The following DOCK4 variants were observed in gnomAD, a reference collection of about 807,000 sequenced individuals.
DOCK4 encodes the protein dedicator of cytokinesis 4, also known as dedicator of cytokinesis protein 4.
In DOCK4, 97 loss-of-function variants were observed where a neutral mutation model predicts 268.1. That is an observed-to-expected ratio of 0.36 (90% CI 0.31 to 0.43). The LOEUF is 0.43. Ranked by LOEUF, DOCK4 falls within the 20% of genes least tolerant of loss-of-function variation. The probability of loss-of-function intolerance (pLI) is 1.00; values close to 1 mark genes in which losing one functional copy is unlikely to be tolerated. For missense variants in DOCK4, 2,145 were observed against 2,455.7 expected, an observed-to-expected ratio of 0.87 and a Z score of 2.67; for synonymous variants, 954 against 887.2, an observed-to-expected ratio of 1.08 and a Z score of -1.34.
intron 8 of DOCK4, among the ~76,000 whole-genome samples, chr7:111,948,529 C>A (rs1421263252): frequency 6.6e-6 from 1 of 152,084 alleles, no homozygotes; most frequent in African/African-American, 2.4e-5. Context: ...AGGTGAGAAT[C>A]CTGATTTAGC....
At chr7:112,005,841 A>C (rs756290285) in intron 1 of DOCK4, among the ~76,000 whole-genome samples, 6 of 152,074 alleles carry the variant, frequency 3.9e-5, no homozygotes, top group Admixed American at 6.6e-5. Flanking sequence ...CACCTTCTTG[A>C]ACACAGCAGT....
chr7:112,188,308 C>T (rs773389525), intron 1 of DOCK4, among the ~76,000 whole-genome samples: 1 of 152,220 alleles, frequency 6.6e-6, no homozygotes, highest in Non-Finnish European at 1.5e-5. Flanking sequence ...GCCCAAGAGA[C>T]TCTCGAACTT....
At chr7:111,812,803 T>A (rs1341641868) in intron 27 of DOCK4, among the ~76,000 whole-genome samples, 2 of 152,150 alleles carry the variant, frequency 1.3e-5, no homozygotes, top group Non-Finnish European at 2.9e-5. Flanking sequence ...TGTGAAATTG[T>A]CTATAACCCA....
intron 25 of DOCK4, among the ~76,000 whole-genome samples, chr7:111,838,827 C>T (rs1803445730): frequency 6.6e-6 from 1 of 152,030 alleles, no homozygotes; most frequent in Admixed American, 6.6e-5. Flanking sequence ...TATGTCAAAA[C>T]TAAAATTGTA....
At chr7:112,152,247 C>T (rs1335102868) in intron 1 of DOCK4, among the ~76,000 whole-genome samples, 1 of 152,160 alleles carries the variant, frequency 6.6e-6, no homozygotes, top group Non-Finnish European at 1.5e-5. Context: ...AGAGTATTAG[C>T]ATTCAACTCA....
At position 112,061,696 on chromosome 7, in the gene DOCK4, AT is replaced by A. The variant is rs112830486; in HGVS notation, c.38-57566del. ...ACTGATTCATAGCAGCACTTGCCAA[AT>A]TCTATTTTGTGGAAAAATATTCTGG... On this transcript the variant is annotated intron_variant, in intron 1 of 52. Transcript: ENST00000428084. Among the ~76,000 whole-genome samples the A allele has an allele frequency of 3.1e-3, 463 of 150,766 alleles. 3 individuals carry two copies. Among genetic ancestry groups the A allele is most frequent in the African/African-American group, 0.011 (447 of 41,010 alleles).
chr7:111,934,000 T>A (rs1794482756), intron 12 of DOCK4, among the ~76,000 whole-genome samples: 1 of 152,190 alleles, frequency 6.6e-6, no homozygotes, highest in Non-Finnish European at 1.5e-5. Flanking sequence ...GCGGTTTGAA[T>A]TTAAATTCTG....
At chr7:111,736,784 T>C (rs2301678) in intron 50 of DOCK4, 133 bp downstream of exon 50, 785,370 of 816,368 alleles carry the variant, frequency 0.96, 377,908 homozygotes, top group Admixed American at 0.98. Context: ...CATTAATCCC[T>C]TAAAGAGCAT....
chr7:112,057,326 G>A (rs1335747553), intron 1 of DOCK4, among the ~76,000 whole-genome samples: 2 of 152,074 alleles, frequency 1.3e-5, no homozygotes, highest in South Asian at 4.1e-4. Flanking sequence ...TGAGGCAGGT[G>A]AATCAACTGA....
chr7:111,860,349 C>T (rs1365802408), intron 23 of DOCK4, among the ~76,000 whole-genome samples: 1 of 152,192 alleles, frequency 6.6e-6, no homozygotes, highest in Non-Finnish European at 1.5e-5. Flanking sequence ...CCTAGTTTTC[C>T]CCATGAAGAT....
At chr7:112,202,965 C>G (rs1821076811) in intron 1 of DOCK4, among the ~76,000 whole-genome samples, 1 of 152,116 alleles carries the variant, frequency 6.6e-6, no homozygotes, top group Non-Finnish European at 1.5e-5. Context: ...TCTGATCTTA[C>G]TTAAAAACCA....
chr7:112,004,264 AT>A, intron 1 of DOCK4, 133 bp from the exon 2 acceptor site: 1 of 645,522 alleles, frequency 1.5e-6, no homozygotes, highest in Non-Finnish European at 2.5e-6. Context: ...TCATATTTTA[AT>A]TTTATATCTT....
Position 111,760,330 on chromosome 7 carries a change from T to C in DOCK4, c.4021-8A>G. On this transcript the variant is annotated splice_region_variant and splice_polypyrimidine_tract_variant and intron_variant, in intron 39 of 52. Coordinates refer to ENST00000428084, the MANE Select transcript of DOCK4 (RefSeq NM_001363540.2). ...ACACACAAACTCCTTATTCTGGAGA[T>C]GAAAGCAAAAAAGAAATTAGGGCTA... is the stretch of plus-strand genomic sequence containing the variant. The C allele has an allele frequency of 6.2e-7, 1 of 1,609,368 alleles. No homozygotes were observed. Among genetic ancestry groups the C allele is most frequent in the Non-Finnish European group, 8.5e-7 (1 of 1,177,488 alleles).
chr7:112,013,122 T>G (rs1801496231), intron 1 of DOCK4, among the ~76,000 whole-genome samples: 1 of 152,214 alleles, frequency 6.6e-6, no homozygotes, highest in Non-Finnish European at 1.5e-5. Flanking sequence ...TTCGGTCCTG[T>G]ATCAGCTCCA....
chr7:112,087,380 G>C (rs984457764), intron 1 of DOCK4, among the ~76,000 whole-genome samples: 1 of 152,004 alleles, frequency 6.6e-6, no homozygotes, highest in South Asian at 2.1e-4. Context: ...TTTAGATTTA[G>C]ATTTGTTCTG....
chr7:111,983,834 G>GCA (rs1798793044), intron 7 of DOCK4, among the ~76,000 whole-genome samples: 1 of 127,828 alleles, frequency 7.8e-6, no homozygotes, highest in African/African-American at 3.5e-5. Context: ...TATTATGTAT[G>GCA]TACACACACA....
intron 13 of DOCK4, among the ~76,000 whole-genome samples, chr7:111,913,749 G>A (rs1792348857): frequency 2.7e-5 from 4 of 150,812 alleles, no homozygotes; most frequent in Non-Finnish European, 5.9e-5. Context: ...AGGTGTGGTG[G>A]TATATGCTTG....
chr7:111,977,416 T>TA, intron 7 of DOCK4, 133 bp from the exon 8 acceptor site: 31 of 950,900 alleles, frequency 3.3e-5, no homozygotes, highest in Non-Finnish European at 4.4e-5. Flanking sequence ...GGATTTGGTA[T>TA]CTAAATCCAC....
At chr7:112,091,713 T>A (rs1170290129) in intron 1 of DOCK4, among the ~76,000 whole-genome samples, 1 of 152,128 alleles carries the variant, frequency 6.6e-6, no homozygotes, top group Non-Finnish European at 1.5e-5. Flanking sequence ...AGATTTTTCC[T>A]CACCTAGAGA....
Sources: gnomAD v4.1 joint callset for allele counts (sites outside exome capture counted in the v4.1 genomes callset) on GRCh38, gnomAD v4.1.1 for gene constraint, MANE v1.5 for transcripts, NCBI Gene and HGNC (gene_info 2026-07-23, HGNC 2026-07-21) for gene names.